The following ABCA13 variants were observed in gnomAD, a reference collection of about 807,000 sequenced individuals.
ABCA13 encodes the protein ATP-binding cassette sub-family A member 13.
Under a neutral mutation model 478.7 loss-of-function variants are expected in ABCA13, and 476 were observed. The observed-to-expected ratio is 0.99, with a 90% CI of 0.92 to 1.07. The LOEUF (loss-of-function observed/expected upper bound fraction) is 1.07, where lower values mean the gene tolerates loss of function less well. Ranked by LOEUF, ABCA13 falls within the 50% of genes least tolerant of loss-of-function variation. The probability of loss-of-function intolerance (pLI) is 0.00; values close to 1 mark genes in which losing one functional copy is unlikely to be tolerated. For missense variants in ABCA13, 6,060 were observed against 5,910.6 expected (o/e 1.03, Z -0.83); for synonymous variants, 2,252 against 2,158.9 (o/e 1.04, Z -1.20).
At chr7:48,334,363 C>A (rs977047769) in intron 27 of ABCA13, among the ~76,000 whole-genome samples, 1 of 145,646 alleles carries the variant, frequency 6.9e-6, no homozygotes, top group Non-Finnish European at 1.5e-5. Flanking sequence ...GAGATGGAGT[C>A]TTGCTCTGTT....
Position 48,235,085 on chromosome 7 carries a change from CAGCCAGCAGACCCTCATGCTGGCTT to C in ABCA13, c.897+935_897+959del, listed in dbSNP as rs1470316465. Among the ~76,000 whole-genome samples, 34 of 152,320 alleles carry C rather than the reference CAGCCAGCAGACCCTCATGCTGGCTT, an allele frequency of 2.2e-4. No individual in the cohort carries two copies. In the South Asian group the frequency reaches 6.2e-3, roughly 28 times the overall value. ...TCTCAGGGGTTAGATGGTTGGGTTG[CAGCCAGCAGACCCTCATGCTGGCTT>C]GGTGTTTGAAAACCCAGTTCTACCA... On this transcript the variant is annotated intron_variant, in intron 8 of 61. Coordinates refer to ENST00000435803, the MANE Select transcript of ABCA13 (RefSeq NM_152701.5).
chr7:48,388,332 A>C lies in ABCA13; in HGVS notation c.11473+373A>C, dbSNP rs113841606. ...GCAGCTACCCTGTGTAAAGCATTTAAAAATTTTTAAGTGTTCTCACCCATG... is the reference window on the plus strand; with the variant it reads ...GCAGCTACCCTGTGTAAAGCATTTACAAATTTTTAAGTGTTCTCACCCATG... On this transcript the variant is annotated intron_variant, in intron 36 of 61. Transcript: ENST00000435803. 1.1e-3 allele frequency among the ~76,000 whole-genome samples: 164 copies of C among 152,376 alleles called. 1 individual carries two copies. The highest frequency in any genetic ancestry group is 3.5e-3 in the African/African-American group (147 of 41,588).
In ABCA13 at chr7:48,338,458, A is replaced by G; in HGVS notation, c.10204+3A>G. ...TACTGAAAAACTCCAGACATACGGT[A>G]AGTGTGCTGATGGGCATGGTAGTGT... is the stretch of plus-strand genomic sequence containing the variant. On this transcript the variant is annotated splice_donor_region_variant and intron_variant, in intron 29 of 61. Coordinates refer to ENST00000435803, the MANE Select transcript of ABCA13 (RefSeq NM_152701.5). 1 of 1,582,836 alleles carries G rather than the reference A, an allele frequency of 6.3e-7. No homozygotes were observed. Among genetic ancestry groups the G allele is most frequent in the Non-Finnish European group, 8.6e-7 (1 of 1,163,302 alleles).
intron 42 of ABCA13, among the ~76,000 whole-genome samples, chr7:48,453,121 T>C (rs937033063): frequency 2.6e-5 from 4 of 152,336 alleles, no homozygotes; most frequent in Non-Finnish European, 5.9e-5. Flanking sequence ...GAGCTGTATA[T>C]GGATCACCAT....
intron 27 of ABCA13, among the ~76,000 whole-genome samples, chr7:48,320,259 G>A (rs1315388557): frequency 6.6e-6 from 1 of 152,190 alleles, no homozygotes; most frequent in Non-Finnish European, 1.5e-5. Context: ...GCAGCAACAG[G>A]GAGAAAATAT....
intron 35 of ABCA13, among the ~76,000 whole-genome samples, chr7:48,378,162 T>C (rs1813794865): frequency 6.6e-6 from 1 of 152,146 alleles, no homozygotes; most frequent in Non-Finnish European, 1.5e-5. Flanking sequence ...GGGCTCACTG[T>C]CTAGGTCATA....
chr7:48,304,676 C>A (rs930776877), intron 23 of ABCA13, among the ~76,000 whole-genome samples: 1 of 152,118 alleles, frequency 6.6e-6, no homozygotes, highest in Admixed American at 6.5e-5. Context: ...GCACTATGCT[C>A]ACTACCTGGG....
chr7:48,191,322 T>G (rs989890904), intron 1 of ABCA13, among the ~76,000 whole-genome samples: 3 of 152,264 alleles, frequency 2.0e-5, no homozygotes, highest in African/African-American at 7.2e-5. Context: ...TTCAGGACTG[T>G]GTCAGAGAAC....
chr7:48,436,857 T>C (rs1376855105), intron 42 of ABCA13, among the ~76,000 whole-genome samples: 1 of 151,958 alleles, frequency 6.6e-6, no homozygotes, highest in South Asian at 2.1e-4. Flanking sequence ...ATTTCTAATT[T>C]CTTTCCACTA....
chr7:48,504,368 G>T (rs888224341), intron 48 of ABCA13, among the ~76,000 whole-genome samples: 1 of 152,146 alleles, frequency 6.6e-6, no homozygotes, highest in East Asian at 1.9e-4. Flanking sequence ...GCTGAGCAGG[G>T]ATGCACATGT....
chr7:48,539,612 T>C (rs1585743752), intron 55 of ABCA13, among the ~76,000 whole-genome samples: 1 of 152,350 alleles, frequency 6.6e-6, no homozygotes, highest in South Asian at 2.1e-4. Context: ...GACTTCATTC[T>C]GATAGAATTA....
rs961956677 is a variant in ABCA13, at chr7:48,524,535, A to C, written c.14244+95A>C. 4.2e-6 allele frequency: 5 copies of C among 1,197,414 alleles called. No individual in the cohort carries two copies. In the African/African-American group the frequency reaches 7.9e-5, roughly 19 times the overall value. 74.2% of individuals were successfully genotyped at this position (1,197,414 alleles called of 1,614,324 possible). ...TGTTAGTCTCAGAATATTTGAAATC[A>C]GAGCCAAAAATAGCCTTCAAATTTT... On this transcript the variant is annotated intron_variant, in intron 54 of 61. Coordinates refer to ENST00000435803, the MANE Select transcript of ABCA13 (RefSeq NM_152701.5).
chr7:48,536,277 A>G (rs941746980), intron 55 of ABCA13, among the ~76,000 whole-genome samples: 1 of 152,198 alleles, frequency 6.6e-6, no homozygotes, highest in African/African-American at 2.4e-5. Flanking sequence ...ATTGAAAATT[A>G]TCTACAAATT....
chr7:48,601,512 G>C (rs1008978164), intron 58 of ABCA13, among the ~76,000 whole-genome samples: 2 of 152,110 alleles, frequency 1.3e-5, no homozygotes, highest in African/African-American at 4.8e-5. Context: ...TGAGAATGAT[G>C]ATTTCCAGCT....
chr7:48,489,421 T>G, intron 48 of ABCA13, 77 bp downstream of exon 48: 1 of 1,315,630 alleles, frequency 7.6e-7, no homozygotes, highest in South Asian at 1.4e-5. Context: ...AACAGAAAAG[T>G]TTCTGAATAG....
At chr7:48,527,279 T>C (rs923733984) in intron 54 of ABCA13, among the ~76,000 whole-genome samples, 3 of 151,942 alleles carry the variant, frequency 2.0e-5, no homozygotes, top group African/African-American at 7.3e-5. Flanking sequence ...ACATGGTAAT[T>C]GAAGCAGATG....
Position 48,423,972 on chromosome 7 carries a change from G to A in ABCA13, c.12460-3794G>A, listed in dbSNP as rs546072739. On this transcript the variant is annotated intron_variant, in intron 41 of 61. Coordinates refer to ENST00000435803, the MANE Select transcript of ABCA13 (RefSeq NM_152701.5). ...TTTTGTATGAAAGTGGGAAGGTGTA[G>A]GTCTTATTTGGTCCATTTGAATTGG... is the stretch of plus-strand genomic sequence containing the variant. 5.3e-5 allele frequency among the ~76,000 whole-genome samples: 8 copies of A among 152,274 alleles called. 1 individual carries two copies. The South Asian group carries it at 1.7e-3, about 32-fold the overall frequency.
intron 41 of ABCA13, among the ~76,000 whole-genome samples, chr7:48,418,031 G>A (rs4917133): frequency 0.49 from 74,051 of 151,982 alleles, 18,342 homozygotes; most frequent in South Asian, 0.62. Flanking sequence ...TCATTGTACC[G>A]CTGAATAATA....
chr7:48,353,374 T>G (rs1338491156), intron 31 of ABCA13, among the ~76,000 whole-genome samples: 1 of 151,564 alleles, frequency 6.6e-6, no homozygotes, highest in Non-Finnish European at 1.5e-5. Flanking sequence ...ATGCAGGGCC[T>G]CAGGAAGGTA....
Sources: gnomAD v4.1 joint callset for allele counts (sites outside exome capture counted in the v4.1 genomes callset) on GRCh38, gnomAD v4.1.1 for gene constraint, MANE v1.5 for transcripts, NCBI Gene and HGNC (gene_info 2026-07-23, HGNC 2026-07-21) for gene names.